ZCCHC4: variants seen among roughly 807,000 people sequenced by gnomAD.
The protein encoded by ZCCHC4 is rRNA N(6)-adenosine-methyltransferase ZCCHC4.
A neutral mutation model predicts 67.7 loss-of-function variants in ZCCHC4; 54 were observed. The ratio of observed to expected loss-of-function variants is 0.80; its 90% CI spans 0.64 to 1.00. The LOEUF is 1.00. Ranked by LOEUF, ZCCHC4 falls within the 50% of genes least tolerant of loss-of-function variation. ZCCHC4 has a pLI of 0.00. For synonymous variants in ZCCHC4, 198 were observed against 213.5 expected, an observed-to-expected ratio of 0.93 and a Z score of 0.63; for missense variants, 609 against 617.0, an observed-to-expected ratio of 0.99 and a Z score of 0.14.
At chr4:25,351,517 G>C in intron 7 of ZCCHC4, 72 bp from the exon 8 acceptor site, 1 of 963,102 alleles carries the variant, frequency 1.0e-6, no homozygotes, top group Non-Finnish European at 1.6e-6. Flanking sequence ...TATGCTAGCG[G>C]AAGTTTTTCT....
chr4:25,345,295 C>T (rs1164673530), intron 5 of ZCCHC4, among the ~76,000 whole-genome samples: 2 of 152,158 alleles, frequency 1.3e-5, no homozygotes, highest in African/African-American at 4.8e-5. Flanking sequence ...CCTCCTGGTA[C>T]ATAGGAACAT....
Position 25,334,123 on chromosome 4 carries a change from T to G in ZCCHC4, c.686+135T>G, listed in dbSNP as rs1368241999. On this transcript the variant is annotated intron_variant, in intron 5 of 12. Transcript: ENST00000302874. ...AGTAGTAATTTGTTATGAGGAAACTTTTTAGTCGAATAAATTCAACATGTA... is the reference window on the plus strand; with the variant it reads ...AGTAGTAATTTGTTATGAGGAAACTGTTTAGTCGAATAAATTCAACATGTA... 6 of 508,988 alleles carry G rather than the reference T, an allele frequency of 1.2e-5. No individual in the cohort carries two copies. The East Asian group carries it at 2.1e-4, about 17-fold the overall frequency. 31.5% of individuals were successfully genotyped at this position (508,988 alleles called of 1,614,324 possible). A position where few individuals can be genotyped will look rare whatever the true frequency, so the allele number is the denominator to read the frequency against.
At position 25,370,118 on chromosome 4, in the gene ZCCHC4, G is replaced by A. The variant is rs185741627; in HGVS notation, c.*954G>A. 13 of 152,256 alleles carry A rather than the reference G, an allele frequency of 8.5e-5. No homozygotes were observed. Among genetic ancestry groups the A allele is most frequent in the African/African-American group, 2.9e-4 (12 of 41,560 alleles). The allele number at this position is 152,256 out of a possible 1,614,324, so 9.4% of individuals were successfully genotyped here. On this transcript the variant is annotated 3_prime_UTR_variant, in exon 13 of 13. Coordinates refer to ENST00000302874, the MANE Select transcript of ZCCHC4 (RefSeq NM_024936.3). ...GAATGAGTGAGATGTTTAGAACTAC[G>A]ACTTGCTCTGTCATTCCAGTGTCGT...
intron 3 of ZCCHC4, among the ~76,000 whole-genome samples, chr4:25,315,914 T>C (rs1718237862): frequency 6.6e-6 from 1 of 152,080 alleles, no homozygotes; most frequent in Non-Finnish European, 1.5e-5. Flanking sequence ...AAGGTCTTGC[T>C]ATGTTGCCCA....
At chr4:25,341,298 T>C (rs1032918494) in intron 5 of ZCCHC4, among the ~76,000 whole-genome samples, 1 of 152,158 alleles carries the variant, frequency 6.6e-6, no homozygotes, top group Non-Finnish European at 1.5e-5. Flanking sequence ...TGATTTCCAG[T>C]GTTGGAGGTG....
chr4:25,348,762 T>G (rs2109080738), intron 6 of ZCCHC4, among the ~76,000 whole-genome samples: 1 of 152,278 alleles, frequency 6.6e-6, no homozygotes, highest in South Asian at 2.1e-4. Flanking sequence ...GGGACTGTAC[T>G]TGAAAGCTAC....
At chr4:25,349,730 G>T in intron 7 of ZCCHC4, 88 bp downstream of exon 7, 2 of 1,368,552 alleles carry the variant, frequency 1.5e-6, no homozygotes, top group Non-Finnish European at 2.0e-6. Flanking sequence ...TCAGAGCAGT[G>T]ATAGAATATA....
intron 8 of ZCCHC4, among the ~76,000 whole-genome samples, chr4:25,356,214 C>T (rs1482719522): frequency 6.6e-6 from 1 of 152,174 alleles, no homozygotes; most frequent in Non-Finnish European, 1.5e-5. Flanking sequence ...AAATGCCTCT[C>T]ATCATCATTG....
At chr4:25,334,698 T>C (rs1719364341) in intron 5 of ZCCHC4, among the ~76,000 whole-genome samples, 1 of 152,250 alleles carries the variant, frequency 6.6e-6, no homozygotes, top group Non-Finnish European at 1.5e-5. Context: ...GTTTCTGTAA[T>C]TGTTTAATAC....
intron 5 of ZCCHC4, 73 bp from the exon 6 acceptor site, chr4:25,345,475 G>C (rs1719963752): frequency 1.1e-6 from 1 of 879,056 alleles, no homozygotes; most frequent in Non-Finnish European, 1.7e-6. Flanking sequence ...TGATTTTATT[G>C]TTTTAAAATT....
In ZCCHC4 at chr4:25,369,239, A is replaced by G. The variant is rs1289089726; in HGVS notation, c.*75A>G. 2 of 1,584,598 alleles carry G rather than the reference A, an allele frequency of 1.3e-6. No individual in the cohort carries two copies. The highest frequency in any genetic ancestry group is 1.7e-6 in the Non-Finnish European group (2 of 1,169,092). Reference sequence around the variant, plus strand: ...CCATTTTCTGAAAGTGCCACACTGGACTTAAATTCAGCTGCTTCCAGAGGT... The same window carrying G: ...CCATTTTCTGAAAGTGCCACACTGGGCTTAAATTCAGCTGCTTCCAGAGGT... On this transcript the variant is annotated 3_prime_UTR_variant, in exon 13 of 13. Coordinates refer to ENST00000302874, the MANE Select transcript of ZCCHC4 (RefSeq NM_024936.3).
intron 8 of ZCCHC4, among the ~76,000 whole-genome samples, chr4:25,355,161 G>A (rs1467757564): frequency 6.6e-6 from 1 of 152,118 alleles, no homozygotes; most frequent in Non-Finnish European, 1.5e-5. Flanking sequence ...AGATTAGAAA[G>A]GAAGGATGTG....
At chr4:25,351,732 G>A (rs759742394) in intron 8 of ZCCHC4, 43 bp downstream of exon 8, 35 of 1,465,072 alleles carry the variant, frequency 2.4e-5, no homozygotes, top group Admixed American at 7.3e-5. Flanking sequence ...GGGGAATGGA[G>A]ATTCTACTTG....
At chr4:25,367,151 A>G (rs1264772823) in intron 12 of ZCCHC4, among the ~76,000 whole-genome samples, 1 of 152,110 alleles carries the variant, frequency 6.6e-6, no homozygotes, top group African/African-American at 2.4e-5. Flanking sequence ...ATCTTATATT[A>G]ATTTGTTTTT....
intron 9 of ZCCHC4, 75 bp from the exon 10 acceptor site, chr4:25,362,151 G>C: frequency 6.8e-7 from 1 of 1,478,108 alleles, no homozygotes; most frequent in South Asian, 1.2e-5. Flanking sequence ...TTTGTAATGA[G>C]TGCTTTGTAA....
At chr4:25,349,763 A>T in intron 7 of ZCCHC4, 121 bp downstream of exon 7, 1 of 1,015,352 alleles carries the variant, frequency 9.8e-7, no homozygotes. Context: ...TCTCTTTTTA[A>T]AAACAGGCTT....
rs1166259137 is a variant in ZCCHC4 at position 25,365,023 on chromosome 4, C to G, written c.1263C>G (p.Ser421=). ...TAAAACTTAATTTTTATTTTACAGC[C>G]TGGATCCACTGTAGCATCTGCAATC... ...CFLCKKCVKP[S]WIHCSICNHC... Residue 421 remains serine (S), a splice_region_variant and synonymous_variant, in exon 12 of 13, where the codon TCC becomes TCG. Coordinates refer to ENST00000302874, the MANE Select transcript of ZCCHC4 (RefSeq NM_024936.3). 1.2e-6 allele frequency: 2 copies of G among 1,612,656 alleles called. No homozygotes were observed. Among genetic ancestry groups the G allele is most frequent in the African/African-American group, 2.7e-5 (2 of 74,882 alleles).
At chr4:25,364,355 T>C in intron 10 of ZCCHC4, 99 bp from the exon 11 acceptor site, 1 of 932,154 alleles carries the variant, frequency 1.1e-6, no homozygotes, top group Non-Finnish European at 1.5e-6. Context: ...AGTGAATAAT[T>C]TACACAGATT....
In ZCCHC4 at chr4:25,369,188, A is replaced by C; in HGVS notation, c.*24A>C. The C allele has an allele frequency of 6.2e-7, 1 of 1,606,152 alleles. No individual in the cohort carries two copies. The highest frequency in any genetic ancestry group is 1.7e-4 in the Middle Eastern group (1 of 6,038). The stretch of plus-strand genomic sequence containing the variant: ...AAATGTCCAGTGACTGGAGAATAAG[A>C]AAGATTTATGGTCCAACCTTTGATG... On this transcript the variant is annotated 3_prime_UTR_variant, in exon 13 of 13. Transcript: ENST00000302874.
Sources: gnomAD v4.1 joint callset for allele counts (sites outside exome capture counted in the v4.1 genomes callset) on GRCh38, gnomAD v4.1.1 for gene constraint, MANE v1.5 for transcripts, NCBI Gene and HGNC (gene_info 2026-07-23, HGNC 2026-07-21) for gene names.